Variants in PLXNB3 observed in about 807,000 individuals in gnomAD.
PLXNB3 encodes plexin B3.
A neutral mutation model predicts 125.7 loss-of-function variants in PLXNB3; 80 were observed. The ratio of observed to expected loss-of-function variants is 0.64; its 90% CI spans 0.53 to 0.77. The LOEUF (loss-of-function observed/expected upper bound fraction) is 0.77, where lower values mean the gene tolerates loss of function less well. PLXNB3 is among the 30% of genes least tolerant of loss of function. The probability of loss-of-function intolerance (pLI) is 0.00; values close to 1 mark genes in which losing one functional copy is unlikely to be tolerated. For missense variants in PLXNB3, 1,836 were observed against 1,729.3 expected (o/e 1.06, Z -1.09); for synonymous variants, 954 against 783.3 (o/e 1.22, Z -3.64).
rs781989622 is a variant in PLXNB3 at position 153,775,028 on chromosome X, C to T, written c.4080C>T (p.Asp1360=). 85 of 1,208,180 alleles carry T rather than the reference C, an allele frequency of 7.0e-5. No homozygotes were observed. The Middle Eastern group carries it at 1.6e-3, about 23-fold the overall frequency. Residue 1360 remains aspartate, a synonymous_variant, in exon 24 of 36, where the codon GAC becomes GAT. Coordinates refer to ENST00000361971, the MANE Select transcript of PLXNB3 (RefSeq NM_005393.3). ...LQPKPEGPGE[D]GHCATVRQGL... ...CCAAGCCTGAGGGGCCAGGGGAGGACGGCCACTGTGCCACTGTGCGCCAGG... is the reference window on the plus strand; with the variant it reads ...CCAAGCCTGAGGGGCCAGGGGAGGATGGCCACTGTGCCACTGTGCGCCAGG...
At position 153,776,426 on chromosome X, in the gene PLXNB3, C is replaced by G. The variant is rs782437322; in HGVS notation, c.4800C>G (p.His1600Gln). 11 of 1,173,762 alleles carry G rather than the reference C, an allele frequency of 9.4e-6. No homozygotes were observed. The highest frequency in any genetic ancestry group is 2.3e-4 in the Middle Eastern group (1 of 4,281). The change falls in exon 28 of 36, where the codon CAC (histidine) becomes CAG (glutamine). Residue 1600 changes from histidine to glutamine, a missense_variant. Physicochemically the swap from His to Gln is conservative, Grantham distance 24. Transcript: ENST00000361971. Reference protein sequence around the residue: ...DEDLTSVTQNHWKRLNTLQHY... With the variant: ...DEDLTSVTQNQWKRLNTLQHY... ...ACTTGACCTCCGTGACCCAAAACCA[C>G]TGGAAGAGACTCAACACCTTGCAAC...
intron 3 of PLXNB3, 46 bp from the exon 4 acceptor site, chrX:153,768,201 CCT>C (rs1307682411): frequency 1.4e-5 from 16 of 1,113,676 alleles, no homozygotes; most frequent in Non-Finnish European, 1.8e-5. Flanking sequence ...CCCCTGACTG[CCT>C]CTCTGCTCTC....
At chrX:153,773,113 G>T in intron 17 of PLXNB3, 97 bp downstream of exon 17, 9 of 1,077,218 alleles carry the variant, frequency 8.4e-6, no homozygotes, top group Middle Eastern at 2.9e-4. Flanking sequence ...GCCACCCCCA[G>T]TGGTCCCTGC....
At position 153,777,304 on chromosome X, in the gene PLXNB3, G is replaced by T; in HGVS notation, c.5024G>T (p.Ser1675Ile). The T allele has an allele frequency of 8.3e-7, 1 of 1,206,035 alleles. No individual in the cohort carries two copies. The highest frequency in any genetic ancestry group is 1.1e-6 in the Non-Finnish European group (1 of 892,114). Residue 1675 changes from serine to isoleucine, a missense_variant, in exon 30 of 36, where the codon AGC (serine) becomes ATC (isoleucine). Ser to Ile is a moderately radical substitution (Grantham distance 142). Transcript: ENST00000361971. ...EEPEGAKVRCSSLREREPARA... is the reference protein window; with the variant it reads ...EEPEGAKVRCISLREREPARA... ...CCAGAAGGGGCCAAGGTGCGGTGCA[G>T]CAGCCTGCGGGAGCGCGAGCCAGCA...
chrX:153,766,822 G>T, intron 2 of PLXNB3, 51 bp from the exon 3 acceptor site: 1 of 1,126,230 alleles, frequency 8.9e-7, no homozygotes, highest in Non-Finnish European at 1.2e-6. Flanking sequence ...CCTTCCTCTG[G>T]TCCTCTATCT....
Position 153,767,256 on chromosome X carries a change from G to A in PLXNB3, c.429G>A (p.Arg143=). 2 of 1,205,453 alleles carry A rather than the reference G, an allele frequency of 1.7e-6. No individual in the cohort carries two copies. The highest frequency in any genetic ancestry group is 2.2e-6 in the Non-Finnish European group (2 of 892,690). The change falls in exon 3 of 36, where the codon CGG becomes CGA. Residue 143 remains arginine, a synonymous_variant. Coordinates refer to ENST00000361971, the MANE Select transcript of PLXNB3 (RefSeq NM_005393.3). ...GQVRQGVCET[R]RLGDVAEVLY... is the part of the protein sequence containing the mutation. ...TGCGGCAGGGCGTGTGTGAGACACG[G>A]CGCCTTGGGGATGTGGCCGAGGTGC... is the stretch of plus-strand genomic sequence containing the variant.
At position 153,778,378 on chromosome X, in the gene PLXNB3, C is replaced by A. The variant is rs373369669; in HGVS notation, c.5475-18C>A. On this transcript the variant is annotated intron_variant, in intron 33 of 35. Coordinates refer to ENST00000361971, the MANE Select transcript of PLXNB3 (RefSeq NM_005393.3). The stretch of plus-strand genomic sequence containing the variant: ...GGGAAGGGGGCTGCCCCACCCCTAA[C>A]GAAGTCTGCTCCTCCAGGTACTATG... The A allele has an allele frequency of 5.0e-6, 6 of 1,210,835 alleles. No individual in the cohort carries two copies. The South Asian group carries it at 1.1e-4, about 21-fold the overall frequency.
In PLXNB3 at chrX:153,769,002, C is replaced by G. The variant is rs781965537; in HGVS notation, c.1321C>G (p.Pro441Ala). The G allele has an allele frequency of 3.3e-6, 4 of 1,210,957 alleles. No individual in the cohort carries two copies. Among genetic ancestry groups the G allele is most frequent in the Non-Finnish European group, 4.5e-6 (4 of 894,575 alleles). ...QVYHSQQVGP[P>A]GSAISPDLLL... Reference sequence around the variant, plus strand: ...TTACCACTCCCAGCAAGTGGGGCCTCCAGGCTCAGCCATCAGCCCAGACCT... The same window carrying G: ...TTACCACTCCCAGCAAGTGGGGCCTGCAGGCTCAGCCATCAGCCCAGACCT... The change falls in exon 5 of 36, where the codon CCA becomes GCA. Residue 441 changes from proline (P) to alanine (A), a missense_variant. Physicochemically the swap from Pro to Ala is conservative, Grantham distance 27. Transcript: ENST00000361971.
rs2091949329 is a variant in PLXNB3, at chrX:153,772,982, A to G, written c.2872A>G (p.Thr958Ala). The change falls in exon 17 of 36, where the codon ACC becomes GCC. Residue 958 changes from threonine (T) to alanine (A), a missense_variant. Transcript: ENST00000361971. ...TCAGCACCTCCAGACAGGTGGCAAC[A>G]CCAGTGCCTTCGTGGGTGGCCAACC... ...RGQHLQTGGN[T>A]SAFVGGQPCP... 3 of 1,197,363 alleles carry G rather than the reference A, an allele frequency of 2.5e-6. No homozygotes were observed. In the East Asian group the frequency reaches 9.0e-5, roughly 36 times the overall value.
Position 153,776,320 on chromosome X carries a change from A to G in PLXNB3, c.4730-36A>G, listed in dbSNP as rs370833923. ...ACTATGAGTGTGGGGCGTGGAGAGC[A>G]GGCTGTAGACTATCTGCTTCCCTGA... On this transcript the variant is annotated intron_variant, in intron 27 of 35. Coordinates refer to ENST00000361971, the MANE Select transcript of PLXNB3 (RefSeq NM_005393.3). 2.7e-6 allele frequency: 3 copies of G among 1,093,200 alleles called. No homozygotes were observed. In the African/African-American group the frequency reaches 5.8e-5, roughly 21 times the overall value. 90.1% of individuals were successfully genotyped at this position (1,093,200 alleles called of 1,213,427 possible).
In PLXNB3 at chrX:153,773,935, C is replaced by T. The variant is rs782391207; in HGVS notation, c.3356C>T (p.Pro1119Leu). Residue 1119 changes from proline to leucine, a missense_variant, in exon 20 of 36, where the codon CCG becomes CTG. By Grantham distance (98) the Pro-to-Leu change is moderately conservative. Coordinates refer to ENST00000361971, the MANE Select transcript of PLXNB3 (RefSeq NM_005393.3). ...RSPAVPDRAH[P>L]QRVFFTLDNV... Reference sequence around the variant, plus strand: ...CCTGCTGTACCAGACAGAGCCCACCCGCAGCGGGTCTTCTTCACCCTAGAC... The same window carrying T: ...CCTGCTGTACCAGACAGAGCCCACCTGCAGCGGGTCTTCTTCACCCTAGAC... 7 of 1,210,990 alleles carry T rather than the reference C, an allele frequency of 5.8e-6. No individual in the cohort carries two copies. The highest frequency in any genetic ancestry group is 3.0e-5 in the East Asian group (1 of 33,855).
In PLXNB3 at chrX:153,767,548, G is replaced by T. The variant is rs200638079; in HGVS notation, c.721G>T (p.Ala241Ser). Residue 241 changes from alanine (A) to serine (S), a missense_variant, in exon 3 of 36, where the codon GCC (alanine) becomes TCC (serine). Ala to Ser is a moderately conservative substitution (Grantham distance 99). Coordinates refer to ENST00000361971, the MANE Select transcript of PLXNB3 (RefSeq NM_005393.3). ...NNSYVGAFAD[A>S]RSAYFVFRRR... is the part of the protein sequence containing the mutation. ...CAGCTACGTCGGGGCCTTTGCCGAC[G>T]CCCGCTCCGCCTACTTCGTGTTCCG... 8.5e-7 allele frequency: 1 copy of T among 1,172,094 alleles called. No individual in the cohort carries two copies. Among genetic ancestry groups the T allele is most frequent in the South Asian group, 2.0e-5 (1 of 50,698 alleles).
Position 153,775,678 on chromosome X carries a change from G to A in PLXNB3, c.4401+18G>A, listed in dbSNP as rs782467882. The A allele has an allele frequency of 2.6e-5, 31 of 1,196,267 alleles. No homozygotes were observed. Among genetic ancestry groups the A allele is most frequent in the Middle Eastern group, 4.6e-4 (2 of 4,337 alleles). ...TCCTGAGGGTGAGGGGCACTGTCCC[G>A]CCTGCTCCCAGCCCTGAGTGGCAGA... On this transcript the variant is annotated intron_variant, in intron 26 of 35. Coordinates refer to ENST00000361971, the MANE Select transcript of PLXNB3 (RefSeq NM_005393.3).
At position 153,765,534 on chromosome X, in the gene PLXNB3, G is replaced by GT. The variant is rs782473058; in HGVS notation, c.-1dup. On this transcript the variant is annotated 5_prime_UTR_variant, in exon 2 of 36. Coordinates refer to ENST00000361971, the MANE Select transcript of PLXNB3 (RefSeq NM_005393.3). ...CTGCCCTGGGGCAGCTGAACTGAGC[G>GT]TATGTGCCACGCCGCCCAGGAGACC... 2.0e-3 allele frequency: 2,364 copies of GT among 1,193,363 alleles called. 32 individuals are homozygous for GT. The African/African-American group carries it at 0.036, about 18-fold the overall frequency.
chrX:153,770,049 T>C (rs782378668), intron 7 of PLXNB3, 43 bp from the exon 8 acceptor site: 11 of 1,200,390 alleles, frequency 9.2e-6, no homozygotes, highest in Non-Finnish European at 9.0e-6. Flanking sequence ...TGCTGCCCCC[T>C]CTCTCTGGCT....
chrX:153,773,344 C>A lies in PLXNB3; in HGVS notation c.3021C>A (p.Ser1007Arg). ...ATGCCCAGCGCACACTGCTCGCCAG[C>A]CCCTTCCGCTACACCGCCAACCCCC... ...FGHAQRTLLA[S>R]PFRYTANPQL... is the part of the protein sequence containing the mutation. The change falls in exon 18 of 36, where the codon AGC becomes AGA. Residue 1007 changes from serine to arginine, a missense_variant. Physicochemically the swap from Ser to Arg is moderately radical, Grantham distance 110. Transcript: ENST00000361971. The A allele has an allele frequency of 1.7e-6, 2 of 1,208,917 alleles. No individual in the cohort carries two copies. Among genetic ancestry groups the A allele is most frequent in the Non-Finnish European group, 1.1e-6 (1 of 894,427 alleles).
chrX:153,766,349 C>A, intron 2 of PLXNB3: 1 of 1,134,899 alleles, frequency 8.8e-7, no homozygotes, highest in South Asian at 2.1e-5. Flanking sequence ...CCTGTCTGGT[C>A]CCTTGGGGCA....
chrX:153,771,805 C>T, intron 14 of PLXNB3, 59 bp from the exon 15 acceptor site: 4 of 1,171,862 alleles, frequency 3.4e-6, no homozygotes, highest in East Asian at 6.2e-5. Flanking sequence ...GGGCACCCAG[C>T]ACTGCAGAGT....
chrX:153,771,794 C>T (rs1254273086), intron 14 of PLXNB3, 70 bp from the exon 15 acceptor site: 56 of 1,159,119 alleles, frequency 4.8e-5, no homozygotes, highest in African/African-American at 7.1e-5. Flanking sequence ...GTTGGCTGGC[C>T]GGGCACCCAG....
Sources: gnomAD v4.1 joint callset for allele counts on GRCh38, gnomAD v4.1.1 for gene constraint, MANE v1.5 for transcripts, NCBI Gene and HGNC (gene_info 2026-07-23, HGNC 2026-07-21) for gene names.